Variants in PCDHA1 observed in about 807,000 individuals in gnomAD.
PCDHA1 encodes protocadherin alpha-1.
A neutral mutation model predicts 61.3 loss-of-function variants in PCDHA1; 42 were observed. That is an observed-to-expected ratio of 0.69 (90% CI 0.54 to 0.89). The LOEUF (loss-of-function observed/expected upper bound fraction) is 0.89. PCDHA1 is among the 40% of genes least tolerant of loss of function. PCDHA1 has a pLI of 0.00. For missense variants in PCDHA1, 1,256 were observed against 1,235.3 expected (o/e 1.02, Z -0.25); for synonymous variants, 610 against 553.8 (o/e 1.10, Z -1.43).
At chr5:140,839,954 T>G (rs1241310286) in intron 1 of PCDHA1, among the ~76,000 whole-genome samples, 1 of 151,716 alleles carries the variant, frequency 6.6e-6, no homozygotes, top group Non-Finnish European at 1.5e-5. Context: ...AGACAACATA[T>G]TTTCTGTAAA....
intron 1 of PCDHA1, among the ~76,000 whole-genome samples, chr5:140,951,752 G>A (rs246039): frequency 0.51 from 77,303 of 151,800 alleles, 20,616 homozygotes; most frequent in African/African-American, 0.68. Context: ...CTCACCCTCC[G>A]CGAAATCTCA....
chr5:140,823,400 C>G, intron 1 of PCDHA1: 2 of 1,613,078 alleles, frequency 1.2e-6, no homozygotes, highest in African/African-American at 2.7e-5. Context: ...GCGGGCGTGC[C>G]GCCTCTGGGC....
intron 1 of PCDHA1, among the ~76,000 whole-genome samples, chr5:140,976,378 C>T (rs908008970): frequency 6.6e-6 from 1 of 151,926 alleles, no homozygotes; most frequent in Admixed American, 6.6e-5. Context: ...TGGTGAAACC[C>T]CATCTCTACT....
chr5:140,870,145 G>A, intron 1 of PCDHA1: 1 of 1,614,088 alleles, frequency 6.2e-7, no homozygotes, highest in Non-Finnish European at 8.5e-7. Context: ...TAACTCTCCT[G>A]AAGTCGCCGT....
intron 1 of PCDHA1, chr5:140,802,972 C>G: frequency 6.2e-7 from 1 of 1,613,982 alleles, no homozygotes; most frequent in Non-Finnish European, 8.5e-7. Flanking sequence ...CACGTGGTAG[C>G]GAAGGTGCGC....
At chr5:140,806,766 A>AT (rs143704986) in intron 1 of PCDHA1, among the ~76,000 whole-genome samples, 1,547 of 152,368 alleles carry the variant, frequency 0.01, 29 homozygotes, top group African/African-American at 0.036. Flanking sequence ...GGTCTCTGTA[A>AT]TACTTAAAAC....
At chr5:140,940,055 C>G (rs1179353318) in intron 1 of PCDHA1, among the ~76,000 whole-genome samples, 1 of 152,064 alleles carries the variant, frequency 6.6e-6, no homozygotes, top group Non-Finnish European at 1.5e-5. Context: ...GATTCTTAAC[C>G]AAATATAAAT....
rs1486042569 is a variant in PCDHA1 at position 140,880,105 on chromosome 5, A to G, written c.2394+91421A>G. On this transcript the variant is annotated intron_variant, in intron 1 of 3. Coordinates refer to ENST00000504120, the MANE Select transcript of PCDHA1 (RefSeq NM_018900.4). ...ATTATAGTAGGCTTAAAATCATAGAAGGATAGACAACAGGAAGCTGAAATA... is the reference window on the plus strand; with the variant it reads ...ATTATAGTAGGCTTAAAATCATAGAGGGATAGACAACAGGAAGCTGAAATA... 1.8e-4 allele frequency among the ~76,000 whole-genome samples: 28 copies of G among 152,256 alleles called. 1 individual carries two copies. Among genetic ancestry groups the G allele is most frequent in the Admixed American group, 1.8e-3 (28 of 15,292 alleles).
chr5:140,836,540 G>C (rs2150263388), intron 1 of PCDHA1: 5 of 1,613,664 alleles, frequency 3.1e-6, no homozygotes, highest in African/African-American at 1.3e-5. Flanking sequence ...TGCTGTACAC[G>C]GCGTTGCGGT....
At chr5:140,809,567 G>A in intron 1 of PCDHA1, 1 of 1,605,950 alleles carries the variant, frequency 6.2e-7, no homozygotes, top group Non-Finnish European at 8.5e-7. Flanking sequence ...GGAATCCTTT[G>A]CAAAGGTTAG....
At chr5:140,830,073 C>G (rs2150180623) in intron 1 of PCDHA1, 8 of 1,613,470 alleles carry the variant, frequency 5.0e-6, no homozygotes, top group African/African-American at 2.7e-5. Context: ...GCGCTGACAG[C>G]GACGGCCACG....
chr5:140,964,139 A>G (rs1396740282), intron 1 of PCDHA1, among the ~76,000 whole-genome samples: 1 of 152,242 alleles, frequency 6.6e-6, no homozygotes, highest in Non-Finnish European at 1.5e-5. Flanking sequence ...TAAGGTTGGC[A>G]GGAGCCTCAG....
intron 1 of PCDHA1, chr5:140,883,223 T>C: frequency 6.2e-7 from 1 of 1,613,922 alleles, no homozygotes; most frequent in Non-Finnish European, 8.5e-7. Flanking sequence ...ATATGAAATA[T>C]CCGTGGAGGC....
In PCDHA1 at chr5:140,837,849, AT is replaced by A. The variant is rs2150280154; in HGVS notation, c.2394+49169del. On this transcript the variant is annotated intron_variant, in intron 1 of 3. Coordinates refer to ENST00000504120, the MANE Select transcript of PCDHA1 (RefSeq NM_018900.4). The stretch of plus-strand genomic sequence containing the variant: ...CATGTCATTGTGCCTGGCTAATTTT[AT>A]TTTATTTTTGTAGAGACAGGGTGGA... Among the ~76,000 whole-genome samples the A allele has an allele frequency of 1.1e-3, 172 of 150,974 alleles. 2 individuals are homozygous for A. Among genetic ancestry groups the A allele is most frequent in the African/African-American group, 4.1e-3 (169 of 41,040 alleles).
intron 1 of PCDHA1, among the ~76,000 whole-genome samples, chr5:140,902,675 C>G (rs1554190566): frequency 1.3e-5 from 2 of 152,154 alleles, no homozygotes; most frequent in Admixed American, 1.3e-4. Flanking sequence ...GCAGTGTACA[C>G]CGTACCTAAT....
At chr5:140,904,471 C>G (rs2071156688) in intron 1 of PCDHA1, among the ~76,000 whole-genome samples, 1 of 151,730 alleles carries the variant, frequency 6.6e-6, no homozygotes, top group Non-Finnish European at 1.5e-5. Context: ...TGATTGGTGG[C>G]TATTTGGTCT....
At chr5:140,857,216 C>T in intron 1 of PCDHA1, 1 of 1,598,490 alleles carries the variant, frequency 6.3e-7, no homozygotes, top group Non-Finnish European at 8.6e-7. Flanking sequence ...CTCTCTGACG[C>T]CTCACGTTCC....
intron 1 of PCDHA1, chr5:140,855,998 G>T: frequency 6.6e-7 from 1 of 1,511,404 alleles, no homozygotes; most frequent in Non-Finnish European, 8.9e-7. Flanking sequence ...CAGATCGTAT[G>T]TGCGTTCTAG....
chr5:141,005,164 G>T (rs782398186), intron 3 of PCDHA1, among the ~76,000 whole-genome samples: 1 of 152,178 alleles, frequency 6.6e-6, no homozygotes, highest in Non-Finnish European at 1.5e-5. Context: ...TAAAGAGTGG[G>T]TACCACTTTC....
Sources: gnomAD v4.1 joint callset for allele counts (sites outside exome capture counted in the v4.1 genomes callset) on GRCh38, gnomAD v4.1.1 for gene constraint, MANE v1.5 for transcripts, NCBI Gene and HGNC (gene_info 2026-07-23, HGNC 2026-07-21) for gene names.